The following MYCBP2 variants were observed in gnomAD, a reference collection of about 807,000 sequenced individuals.
MYCBP2 encodes MYC binding protein 2, also known as E3 ubiquitin-protein ligase MYCBP2.
MYCBP2 carries 120 observed loss-of-function variants against 525.3 expected under a neutral mutation model. That is an observed-to-expected ratio of 0.23 (90% CI 0.20 to 0.27). MYCBP2 has a LOEUF of 0.27. Ranked by LOEUF, MYCBP2 falls within the 10% of genes least tolerant of loss-of-function variation. The probability of loss-of-function intolerance (pLI) is 1.00; values close to 1 mark genes in which losing one functional copy is unlikely to be tolerated. For missense variants in MYCBP2, 4,149 were observed against 5,657.1 expected (o/e 0.73, Z 8.55); for synonymous variants, 1,894 against 1,955.8 (o/e 0.97, Z 0.83).
rs558572981 is a variant in MYCBP2, at chr13:77,065,620, T to C, written c.12552+372A>G. The stretch of plus-strand genomic sequence containing the variant: ...GACATTAATAAAGAAGAATAAAGGG[T>C]TTAAAAACCATGAGGACTGAGGAGA... On this transcript the variant is annotated intron_variant, in intron 72 of 82. Coordinates refer to ENST00000544440, the MANE Select transcript of MYCBP2 (RefSeq NM_015057.5). Among the ~76,000 whole-genome samples the C allele has an allele frequency of 3.3e-5, 5 of 152,318 alleles. No homozygotes were observed. The South Asian group carries it at 1.0e-3, about 32-fold the overall frequency.
At chr13:77,052,744 T>C (rs924307402) in intron 80 of MYCBP2, among the ~76,000 whole-genome samples, 1 of 152,170 alleles carries the variant, frequency 6.6e-6, no homozygotes, top group African/African-American at 2.4e-5. Context: ...GAACAAAATA[T>C]ACATAAAGTA....
intron 4 of MYCBP2, among the ~76,000 whole-genome samples, chr13:77,274,524 G>C (rs772336650): frequency 6.6e-6 from 1 of 152,182 alleles, no homozygotes; most frequent in Non-Finnish European, 1.5e-5. Flanking sequence ...AGAAAGAGGA[G>C]TAATGTACTG....
Position 77,238,852 on chromosome 13 carries a change from C to T in MYCBP2, c.2629+4207G>A, listed in dbSNP as rs150956935. 1.7e-3 allele frequency among the ~76,000 whole-genome samples: 259 copies of T among 152,288 alleles called. 4 individuals carry two copies. The highest frequency in any genetic ancestry group is 5.4e-3 in the African/African-American group (226 of 41,560). ...TTAGTACAAGAACTAGGGCCCAGGC[C>T]GAGCGCAGTGGCTCACACCTGTACT... On this transcript the variant is annotated intron_variant, in intron 17 of 82. Transcript: ENST00000544440.
chr13:77,320,058 T>C (rs1455908081), intron 1 of MYCBP2, among the ~76,000 whole-genome samples: 1 of 152,068 alleles, frequency 6.6e-6, no homozygotes, highest in Non-Finnish European at 1.5e-5. Flanking sequence ...GCCAGACCCA[T>C]GGGAGAGCTC....
intron 18 of MYCBP2, among the ~76,000 whole-genome samples, chr13:77,230,439 T>C (rs1339521502): frequency 1.3e-5 from 2 of 152,164 alleles, no homozygotes; most frequent in Non-Finnish European, 1.5e-5. Context: ...ACTGAAAATA[T>C]GTACAGGTTG....
intron 73 of MYCBP2, among the ~76,000 whole-genome samples, chr13:77,063,024 T>G (rs1316296713): frequency 2.6e-5 from 4 of 152,218 alleles, no homozygotes; most frequent in Non-Finnish European, 5.9e-5. Context: ...ATATTTAATA[T>G]TTACTACTAA....
intron 72 of MYCBP2, among the ~76,000 whole-genome samples, 193 bp downstream of exon 72, chr13:77,065,799 A>G (rs1175933187): frequency 6.6e-6 from 1 of 152,224 alleles, no homozygotes; most frequent in Non-Finnish European, 1.5e-5. Context: ...GGAAAATTTG[A>G]AATGAACATG....
rs1462502729 is a variant in MYCBP2, at chr13:77,081,448, C to T, written c.11397G>A (p.Val3799=). The change falls in exon 65 of 83, where the codon GTG becomes GTA. Residue 3799 remains valine (V), a synonymous_variant. Transcript: ENST00000544440. The surrounding 1 kb of genome is among the most constrained non-coding windows in gnomAD (Gnocchi z 4.6). ...TTACCCCAAGATCTCGGGAATTGTC[C>T]ACGTGAACAGACACATAGCGGGCAT... ...GINARYVSVH[V]DNSRDLGNKV... 1.2e-5 allele frequency: 19 copies of T among 1,611,924 alleles called. No individual in the cohort carries two copies. The highest frequency in any genetic ancestry group is 1.6e-5 in the Non-Finnish European group (19 of 1,179,666).
intron 4 of MYCBP2, among the ~76,000 whole-genome samples, chr13:77,276,666 G>T (rs111396170): frequency 0.015 from 2,314 of 151,430 alleles, 59 homozygotes; most frequent in African/African-American, 0.051. Context: ...TTTTTTGGGG[G>T]TTTTTTTTTT....
Position 77,146,191 on chromosome 13 carries a change from T to G in MYCBP2, c.7158A>C (p.Glu2386Asp). The G allele has an allele frequency of 6.3e-7, 1 of 1,598,476 alleles. No homozygotes were observed. The highest frequency in any genetic ancestry group is 8.5e-7 in the Non-Finnish European group (1 of 1,173,424). The change falls in exon 48 of 83, where the codon GAA (glutamate) becomes GAC (aspartate). Residue 2386 changes from glutamate to aspartate, a missense_variant. Glu to Asp is a conservative substitution (Grantham distance 45). Coordinates refer to ENST00000544440, the MANE Select transcript of MYCBP2 (RefSeq NM_015057.5). Reference sequence around the variant, plus strand: ...TAGGAGTTGGTGATGCAAAACGTAGTTCTTCAAATGAATAATTTTCATAAA... The same window carrying G: ...TAGGAGTTGGTGATGCAAAACGTAGGTCTTCAAATGAATAATTTTCATAAA... ...MKVYENYSFEELRFASPTPKR... is the reference protein window; with the variant it reads ...MKVYENYSFEDLRFASPTPKR...
intron 49 of MYCBP2, 71 bp downstream of exon 49, chr13:77,144,374 C>T (rs1234637892): frequency 1.8e-6 from 2 of 1,107,450 alleles, no homozygotes; most frequent in South Asian, 2.6e-5. Flanking sequence ...ATGGGCAAAA[C>T]TAGAAGATAA....
At chr13:77,185,421 A>T (rs762646564) in intron 31 of MYCBP2, 44 bp from the exon 32 acceptor site, 1 of 1,554,450 alleles carries the variant, frequency 6.4e-7, no homozygotes, top group African/African-American at 1.4e-5. Flanking sequence ...CAAAATATTA[A>T]ATATGCATGA....
intron 1 of MYCBP2, among the ~76,000 whole-genome samples, chr13:77,322,533 T>C (rs952783888): frequency 6.6e-6 from 1 of 152,206 alleles, no homozygotes; most frequent in African/African-American, 2.4e-5. Context: ...TGGAAAAACA[T>C]ACAGTGCCAT....
At chr13:77,164,368 T>C (rs2058296870) in intron 43 of MYCBP2, 86 bp downstream of exon 43, 2 of 809,532 alleles carry the variant, frequency 2.5e-6, no homozygotes, top group Non-Finnish European at 4.1e-6. Flanking sequence ...AAAATTCATT[T>C]TGCAAATCTA....
Position 77,244,093 on chromosome 13 carries a change from T to C in MYCBP2, c.2382-142A>G, listed in dbSNP as rs578237029. On this transcript the variant is annotated intron_variant, in intron 15 of 82. Transcript: ENST00000544440. ...ATGAAATCACCTCTTTAGATCACGA[T>C]TGTTCATTTTAAAGAAAAGATATAA... is the stretch of plus-strand genomic sequence containing the variant. 6.9e-5 allele frequency: 64 copies of C among 924,630 alleles called. No individual in the cohort carries two copies. In the South Asian group the frequency reaches 1.3e-3, roughly 19 times the overall value. 57.3% of individuals were successfully genotyped at this position (924,630 alleles called of 1,614,324 possible).
intron 59 of MYCBP2, among the ~76,000 whole-genome samples, chr13:77,091,959 T>A (rs1016435933): frequency 1.3e-5 from 2 of 152,026 alleles, no homozygotes; most frequent in African/African-American, 4.8e-5. Flanking sequence ...AAATACTTTA[T>A]CACTTTTAAA....
intron 55 of MYCBP2, chr13:77,103,436 T>C: frequency 2.6e-6 from 1 of 390,652 alleles, no homozygotes; most frequent in Non-Finnish European, 4.5e-6. Flanking sequence ...TTAAATAGTT[T>C]ATATTCTGCT....
intron 55 of MYCBP2, among the ~76,000 whole-genome samples, chr13:77,100,624 T>C (rs2046927116): frequency 6.6e-6 from 1 of 152,076 alleles, no homozygotes; most frequent in Non-Finnish European, 1.5e-5. Context: ...GCAAGTACTT[T>C]ATACAGGGCA....
At chr13:77,197,056 T>C (rs2061832152) in intron 26 of MYCBP2, among the ~76,000 whole-genome samples, 1 of 152,036 alleles carries the variant, frequency 6.6e-6, no homozygotes, top group Non-Finnish European at 1.5e-5. Flanking sequence ...GAGAAGAAAG[T>C]ATTTCAAAGA....
Sources: gnomAD v4.1 joint callset for allele counts (sites outside exome capture counted in the v4.1 genomes callset) on GRCh38, gnomAD v4.1.1 for gene constraint, Gnocchi (gnomAD v3.1) non-coding constraint, MANE v1.5 for transcripts, NCBI Gene and HGNC (gene_info 2026-07-23, HGNC 2026-07-21) for gene names.